The following MYRIP variants were observed in gnomAD, a reference collection of about 807,000 sequenced individuals.
MYRIP encodes the protein rab effector MyRIP.
A neutral mutation model predicts 98.0 loss-of-function variants in MYRIP; 49 were observed. That is an observed-to-expected ratio of 0.50 (90% confidence interval 0.40 to 0.63). MYRIP has a LOEUF of 0.63. MYRIP is among the 30% of genes least tolerant of loss of function. MYRIP has a pLI of 0.00. For synonymous variants in MYRIP, 404 were observed against 409.5 expected (o/e 0.99, Z 0.16); for missense variants, 1,004 against 1,058.2 (o/e 0.95, Z 0.71).
intron 3 of MYRIP, among the ~76,000 whole-genome samples, chr3:40,096,324 G>A (rs1259164064): frequency 6.6e-6 from 1 of 152,050 alleles, no homozygotes; most frequent in Non-Finnish European, 1.5e-5. Context: ...CCGGCTCTCT[G>A]GACCTGTAGG....
chr3:40,126,272 A>G (rs549192640), intron 3 of MYRIP, among the ~76,000 whole-genome samples: 1 of 152,308 alleles, frequency 6.6e-6, no homozygotes, highest in Non-Finnish European at 1.5e-5. Flanking sequence ...GGGCCGAACA[A>G]GCTGGTTTTA....
intron 8 of MYRIP, among the ~76,000 whole-genome samples, chr3:40,170,779 A>G (rs1304587105): frequency 6.6e-6 from 1 of 152,210 alleles, no homozygotes; most frequent in African/African-American, 2.4e-5. Context: ...TGCTAGATAT[A>G]GGTGCTCACA....
chr3:39,997,618 A>G (rs1279642190), intron 2 of MYRIP, among the ~76,000 whole-genome samples: 11 of 152,070 alleles, frequency 7.2e-5, no homozygotes, highest in Non-Finnish European at 1.6e-4. Flanking sequence ...AGGAGGAGCT[A>G]GTACCATTCC....
In MYRIP at chr3:39,996,967, G is replaced by T. The variant is rs138010590; in HGVS notation, c.111-47083G>T. On this transcript the variant is annotated intron_variant, in intron 2 of 16. Coordinates refer to ENST00000302541, the MANE Select transcript of MYRIP (RefSeq NM_015460.4). ...GTAACAAAATGAAGGCAGAAATAAA[G>T]ATGTTCTTTGAAACCAACAAGAACA... 9.9e-3 allele frequency among the ~76,000 whole-genome samples: 1,513 copies of T among 152,244 alleles called. 27 individuals carry two copies. The highest frequency in any genetic ancestry group is 0.035 in the African/African-American group (1,453 of 41,526).
chr3:40,139,000 A>ATCC (rs1949839563), intron 3 of MYRIP, among the ~76,000 whole-genome samples: 1 of 152,112 alleles, frequency 6.6e-6, no homozygotes. Flanking sequence ...AGCCTCTAGT[A>ATCC]TCCTCTGCTC....
chr3:40,180,997 C>A (rs1333783716), intron 8 of MYRIP, among the ~76,000 whole-genome samples: 1 of 152,180 alleles, frequency 6.6e-6, no homozygotes, highest in East Asian at 1.9e-4. Flanking sequence ...GGAGGCAAGG[C>A]CATTGAGTGC....
intron 2 of MYRIP, among the ~76,000 whole-genome samples, chr3:39,993,509 C>T (rs1408937533): frequency 6.6e-6 from 1 of 152,170 alleles, no homozygotes; most frequent in Non-Finnish European, 1.5e-5. Context: ...GGAAAAAGTA[C>T]CACCATGTTG....
intron 2 of MYRIP, among the ~76,000 whole-genome samples, chr3:39,999,934 C>A (rs1397906016): frequency 6.7e-6 from 1 of 149,494 alleles, no homozygotes; most frequent in Non-Finnish European, 1.5e-5. Context: ...GGACAAAAAA[C>A]CAAACACTGC....
intron 2 of MYRIP, among the ~76,000 whole-genome samples, chr3:39,919,311 A>G (rs1414091470): frequency 6.6e-6 from 1 of 152,298 alleles, no homozygotes; most frequent in Non-Finnish European, 1.5e-5. Context: ...CTCCTGCTCT[A>G]AAGCCCAAGG....
rs868210142 is a variant in MYRIP at position 40,113,312 on chromosome 3, T to G, written c.333-37736T>G. On this transcript the variant is annotated intron_variant, in intron 3 of 16. Coordinates refer to ENST00000302541, the MANE Select transcript of MYRIP (RefSeq NM_015460.4). ...GCACCCGCCACCACACCTGGGTAAT[T>G]TTTTGTGTTTTCAGTAGAGATGGGG... Among the ~76,000 whole-genome samples the G allele has an allele frequency of 2.0e-5, 3 of 152,000 alleles. No homozygotes were observed. In the South Asian group the frequency reaches 6.2e-4, roughly 32 times the overall value.
Position 40,061,180 on chromosome 3 carries a change from C to T in MYRIP, c.332+16909C>T, listed in dbSNP as rs141658278. 2.4e-3 allele frequency among the ~76,000 whole-genome samples: 364 copies of T among 152,126 alleles called. 2 individuals carry two copies. The South Asian group carries it at 0.034, about 14-fold the overall frequency. ...TTTGTTGTACAGATTATTTCATTAC[C>T]CAGTTATTAAGCCCAGTACCCAATA... On this transcript the variant is annotated intron_variant, in intron 3 of 16. Transcript: ENST00000302541.
At chr3:40,234,182 T>C in intron 12 of MYRIP, 129 bp downstream of exon 12, 2 of 947,156 alleles carry the variant, frequency 2.1e-6, no homozygotes, top group South Asian at 4.6e-5. Flanking sequence ...CTATAGCAAA[T>C]ACATTCTCAG....
At chr3:39,833,750 G>T (rs1301463407) in intron 1 of MYRIP, among the ~76,000 whole-genome samples, 1 of 152,216 alleles carries the variant, frequency 6.6e-6, no homozygotes, top group Non-Finnish European at 1.5e-5. Context: ...GCCAGGCACG[G>T]TGGCTCACGC....
chr3:39,816,919 A>G (rs1465592432), intron 1 of MYRIP, among the ~76,000 whole-genome samples: 1 of 152,198 alleles, frequency 6.6e-6, no homozygotes, highest in Admixed American at 6.5e-5. Flanking sequence ...AGCCTCTGTA[A>G]TGATAACAGC....
chr3:39,995,887 T>C (rs919392481), intron 2 of MYRIP, among the ~76,000 whole-genome samples: 2 of 152,182 alleles, frequency 1.3e-5, no homozygotes, highest in Non-Finnish European at 2.9e-5. Context: ...ATATTCAACA[T>C]TCTTAAAAGA....
At chr3:40,257,963 T>C (rs1953651751) in intron 16 of MYRIP, among the ~76,000 whole-genome samples, 171 bp from the exon 17 acceptor site, 1 of 152,242 alleles carries the variant, frequency 6.6e-6, no homozygotes, top group African/African-American at 2.4e-5. Context: ...TCAGGTGGAT[T>C]AAGAAGCATG....
At chr3:40,099,373 A>G (rs1163055277) in intron 3 of MYRIP, among the ~76,000 whole-genome samples, 1 of 152,206 alleles carries the variant, frequency 6.6e-6, no homozygotes, top group Non-Finnish European at 1.5e-5. Context: ...GTGGAGTATG[A>G]GCATGATGTC....
At chr3:39,907,396 G>A (rs753696776) in intron 2 of MYRIP, among the ~76,000 whole-genome samples, 3 of 152,156 alleles carry the variant, frequency 2.0e-5, no homozygotes, top group Admixed American at 6.5e-5. Flanking sequence ...GCAGCCATGT[G>A]ATTAGGTCTG....
intron 2 of MYRIP, among the ~76,000 whole-genome samples, chr3:39,935,488 C>A (rs115147621): frequency 2.0e-5 from 3 of 152,106 alleles, no homozygotes; most frequent in Admixed American, 6.6e-5. Flanking sequence ...GGCCATTGTT[C>A]TGCAGGAAGC....
Sources: gnomAD v4.1 joint callset for allele counts (sites outside exome capture counted in the v4.1 genomes callset) on GRCh38, gnomAD v4.1.1 for gene constraint, MANE v1.5 for transcripts, NCBI Gene and HGNC (gene_info 2026-07-23, HGNC 2026-07-21) for gene names.